CORIN: variants seen among roughly 807,000 people sequenced by gnomAD.
CORIN encodes the protein atrial natriuretic peptide-converting enzyme.
A neutral mutation model predicts 125.3 loss-of-function variants in CORIN; 117 were observed. The observed-to-expected ratio is 0.93, with a 90% CI of 0.80 to 1.09. The LOEUF is 1.09. Among genes scored for constraint, CORIN ranks in the 50% least tolerant of loss-of-function variants. The pLI is 0.00. For synonymous variants in CORIN, 450 were observed against 466.4 expected, an observed-to-expected ratio of 0.96 and a Z score of 0.45; for missense variants, 1,253 against 1,306.7, an observed-to-expected ratio of 0.96 and a Z score of 0.63.
At chr4:47,825,305 G>A (rs906022029) in intron 1 of CORIN, among the ~76,000 whole-genome samples, 1 of 152,154 alleles carries the variant, frequency 6.6e-6, no homozygotes, top group African/African-American at 2.4e-5. Context: ...AGTGAGGCCT[G>A]GGAGTCCCCC....
chr4:47,595,933 C>G, intron 21 of CORIN, 30 bp from the exon 22 acceptor site: 1 of 1,582,442 alleles, frequency 6.3e-7, no homozygotes, highest in Non-Finnish European at 8.6e-7. Flanking sequence ...GAGTTAGGAA[C>G]TGGCATTTCA....
Position 47,630,471 on chromosome 4 carries a change from A to T in CORIN, c.2199-3950T>A, listed in dbSNP as rs894492814. ...TGTTGTGTAGAAAGCAAAAGAGAAAATTTAAGCATCAAAGTCACTGTATCC... is the reference window on the plus strand; with the variant it reads ...TGTTGTGTAGAAAGCAAAAGAGAAATTTTAAGCATCAAAGTCACTGTATCC... On this transcript the variant is annotated intron_variant, in intron 16 of 21. Coordinates refer to ENST00000273857, the MANE Select transcript of CORIN (RefSeq NM_006587.4). Among the ~76,000 whole-genome samples, 51 of 152,280 alleles carry T rather than the reference A, an allele frequency of 3.3e-4. No homozygotes were observed. The Middle Eastern group carries it at 0.01, about 30-fold the overall frequency.
chr4:47,739,049 T>G (rs983798617), intron 5 of CORIN, among the ~76,000 whole-genome samples: 24 of 151,368 alleles, frequency 1.6e-4, no homozygotes, highest in African/African-American at 5.3e-4. Flanking sequence ...AGAAGAAAAA[T>G]TAAAAGGTCC....
At position 47,643,055 on chromosome 4, in the gene CORIN, G is replaced by A. The variant is rs1360796827; in HGVS notation, c.2068+91C>T. 4 of 1,595,200 alleles carry A rather than the reference G, an allele frequency of 2.5e-6. No individual in the cohort carries two copies. In the South Asian group the frequency reaches 4.5e-5, roughly 18 times the overall value. On this transcript the variant is annotated intron_variant, in intron 15 of 21. Transcript: ENST00000273857. ...AAAACAAAATAGATGAACTTGGTCAGTAAAATCCAGGAAGTAATTTAGGAT... is the reference window on the plus strand; with the variant it reads ...AAAACAAAATAGATGAACTTGGTCAATAAAATCCAGGAAGTAATTTAGGAT...
chr4:47,756,321 A>G (rs533710850), intron 4 of CORIN, among the ~76,000 whole-genome samples: 1 of 152,348 alleles, frequency 6.6e-6, no homozygotes, highest in South Asian at 2.1e-4. Context: ...TTCAGAAACT[A>G]TGGTAGGGAC....
chr4:47,701,294 A>C (rs1308809727), intron 5 of CORIN, among the ~76,000 whole-genome samples: 2 of 152,200 alleles, frequency 1.3e-5, no homozygotes, highest in Non-Finnish European at 2.9e-5. Flanking sequence ...CTGTCAAACA[A>C]ATGTTCAGAG....
intron 5 of CORIN, among the ~76,000 whole-genome samples, chr4:47,713,993 G>T (rs983023175): frequency 2.0e-5 from 3 of 152,054 alleles, no homozygotes; most frequent in African/African-American, 7.2e-5. Flanking sequence ...AATTAAAATA[G>T]AGGTACCTCA....
At chr4:47,678,483 G>C (rs1456071705) in intron 8 of CORIN, among the ~76,000 whole-genome samples, 1 of 152,186 alleles carries the variant, frequency 6.6e-6, no homozygotes, top group Non-Finnish European at 1.5e-5. Context: ...ATGGCTAAGA[G>C]CTACAGCCAG....
chr4:47,625,727 G>C (rs918524178), intron 17 of CORIN, among the ~76,000 whole-genome samples: 6 of 152,172 alleles, frequency 3.9e-5, no homozygotes, highest in Admixed American at 3.3e-4. Context: ...TCTGTGGGCT[G>C]TGAGATTTGA....
intron 1 of CORIN, chr4:47,837,544 CGGA>C (rs952934828): frequency 4.8e-6 from 2 of 412,570 alleles, no homozygotes; most frequent in South Asian, 2.6e-5. Flanking sequence ...GGGCACCGTG[CGGA>C]GGAGGGACTC....
intron 5 of CORIN, among the ~76,000 whole-genome samples, chr4:47,740,764 A>G (rs1016764935): frequency 1.3e-5 from 2 of 151,986 alleles, no homozygotes; most frequent in Non-Finnish European, 2.9e-5. Context: ...TAGATAGATC[A>G]ATAAAAAATA....
intron 4 of CORIN, among the ~76,000 whole-genome samples, chr4:47,745,037 T>C (rs939379534): frequency 6.6e-6 from 1 of 152,236 alleles, no homozygotes; most frequent in Non-Finnish European, 1.5e-5. Context: ...GCTGTTCCAT[T>C]ATTAACTTCC....
chr4:47,657,970 A>G lies in CORIN; in HGVS notation c.1735+3741T>C, dbSNP rs373867120. Among the ~76,000 whole-genome samples, 14 of 152,090 alleles carry G rather than the reference A, an allele frequency of 9.2e-5. No individual in the cohort carries two copies. In the East Asian group the frequency reaches 1.2e-3, roughly 13 times the overall value. ...TGTCTTTCTCACATTTCAAAATACAATATCTCTTCTCAGTTGCTCCCCCAA... is the reference window on the plus strand; with the variant it reads ...TGTCTTTCTCACATTTCAAAATACAGTATCTCTTCTCAGTTGCTCCCCCAA... On this transcript the variant is annotated intron_variant, in intron 12 of 21. Coordinates refer to ENST00000273857, the MANE Select transcript of CORIN (RefSeq NM_006587.4).
intron 2 of CORIN, among the ~76,000 whole-genome samples, chr4:47,789,777 T>A (rs533693547): frequency 3.9e-5 from 6 of 152,274 alleles, no homozygotes; most frequent in African/African-American, 1.4e-4. Flanking sequence ...TCCCAGCACT[T>A]TGGGAGGCTG....
chr4:47,661,575 T>A (rs1021054561), intron 12 of CORIN, 136 bp downstream of exon 12: 2 of 719,958 alleles, frequency 2.8e-6, no homozygotes, highest in African/African-American at 1.8e-5. Context: ...GTTCACAAAT[T>A]CACTCACCTA....
At chr4:47,596,341 C>A (rs1225368432) in intron 21 of CORIN, among the ~76,000 whole-genome samples, 2 of 152,092 alleles carry the variant, frequency 1.3e-5, no homozygotes, top group Non-Finnish European at 2.9e-5. Flanking sequence ...TCTAAAATAT[C>A]TATTTTCAAG....
At chr4:47,674,324 C>CAATGCAGAAGAAA (rs1236834821) in intron 10 of CORIN, 69 bp downstream of exon 10, 1 of 1,069,358 alleles carries the variant, frequency 9.4e-7, no homozygotes, top group Non-Finnish European at 1.5e-6. Flanking sequence ...ATTTGAATGT[C>CAATGCAGAAGAAA]AATGCAGAAG....
chr4:47,728,335 T>C (rs1024646210), intron 5 of CORIN, among the ~76,000 whole-genome samples: 3 of 152,096 alleles, frequency 2.0e-5, no homozygotes, highest in Admixed American at 6.5e-5. Flanking sequence ...CTAAAAGACA[T>C]AGATAGTATC....
intron 19 of CORIN, among the ~76,000 whole-genome samples, chr4:47,613,478 T>C (rs1721947210): frequency 6.6e-6 from 1 of 151,942 alleles, no homozygotes; most frequent in Admixed American, 6.6e-5. Context: ...ACTCAGAGCT[T>C]TGAAGTCTAT....
Sources: allele counts gnomAD v4.1 joint callset (sites outside exome capture counted in the v4.1 genomes callset), GRCh38; gene constraint gnomAD v4.1.1; transcripts MANE v1.5; gene names NCBI Gene and HGNC (gene_info 2026-07-23, HGNC 2026-07-21).